Variants in GOT2 observed in about 807,000 individuals in gnomAD.
The protein encoded by GOT2 is aspartate aminotransferase, mitochondrial.
A neutral mutation model predicts 50.0 loss-of-function variants in GOT2; 17 were observed. The ratio of observed to expected loss-of-function variants is 0.34; its 90% CI spans 0.23 to 0.51. The LOEUF (loss-of-function observed/expected upper bound fraction) is 0.51, where lower values mean the gene tolerates loss of function less well. Among genes scored for constraint, GOT2 ranks in the 20% least tolerant of loss-of-function variants. GOT2 has a pLI of 0.97. For missense variants in GOT2, 430 were observed against 559.6 expected (o/e 0.77, Z 2.34); for synonymous variants, 172 against 204.9 (o/e 0.84, Z 1.37).
At chr16:58,728,368 C>A (rs1197253785) in intron 1 of GOT2, among the ~76,000 whole-genome samples, 1 of 152,132 alleles carries the variant, frequency 6.6e-6, no homozygotes, top group Non-Finnish European at 1.5e-5. Context: ...ACCTATCTCA[C>A]AGGGCTGGTC....
intron 1 of GOT2, among the ~76,000 whole-genome samples, chr16:58,726,207 C>T (rs993857204): frequency 2.0e-5 from 3 of 152,090 alleles, no homozygotes; most frequent in Admixed American, 6.6e-5. Context: ...TTTTTTGAGA[C>T]GGAGTCTTGT....
chr16:58,708,073 A>T lies in GOT2; in HGVS notation c.*98T>A. The T allele has an allele frequency of 8.3e-7, 1 of 1,200,648 alleles. No individual in the cohort carries two copies. The highest frequency in any genetic ancestry group is 1.2e-6 in the Non-Finnish European group (1 of 840,352). The allele number at this position is 1,200,648 out of a possible 1,614,324, so 74.4% of individuals were successfully genotyped here. A position where few individuals can be genotyped will look rare whatever the true frequency, so the allele number is the denominator to read the frequency against. Reference sequence around the variant, plus strand: ...ACACTGTGGCTGAAAGAAATGATCCACTCACCACCATCCACCCTCTCTCAT... The same window carrying T: ...ACACTGTGGCTGAAAGAAATGATCCTCTCACCACCATCCACCCTCTCTCAT... On this transcript the variant is annotated 3_prime_UTR_variant, in exon 10 of 10. Coordinates refer to ENST00000245206, the MANE Select transcript of GOT2 (RefSeq NM_002080.4).
intron 1 of GOT2, among the ~76,000 whole-genome samples, chr16:58,733,484 C>A (rs2044851483): frequency 6.6e-6 from 1 of 152,004 alleles, no homozygotes; most frequent in Non-Finnish European, 1.5e-5. Flanking sequence ...AAGGAAAAAA[C>A]AAAACAAAAC....
At chr16:58,720,248 G>A (rs2044730799) in intron 3 of GOT2, among the ~76,000 whole-genome samples, 1 of 152,134 alleles carries the variant, frequency 6.6e-6, no homozygotes, top group South Asian at 2.1e-4. Context: ...CCCCTTCTAT[G>A]TGTTTTCATA....
At chr16:58,716,470 G>A (rs567754790) in intron 7 of GOT2, 193 bp downstream of exon 7, 1 of 623,106 alleles carries the variant, frequency 1.6e-6, no homozygotes, top group East Asian at 2.8e-5. Context: ...AAAACTTAAG[G>A]ACACCGAAGA....
Position 58,723,788 on chromosome 16 carries a change from C to T in GOT2, c.204G>A (p.Arg68=), listed in dbSNP as rs748854222. The change falls in exon 2 of 10, where the codon CGG becomes CGA. Residue 68 remains arginine, a synonymous_variant. Transcript: ENST00000245206. ...KKMNLGVGAY[R]DDNGKPYVLP... The stretch of plus-strand genomic sequence containing the variant: ...GAACGTAAGGCTTTCCATTATCATC[C>T]CGGTAGGCACCAACTCCCAGATTCA... 6.2e-7 allele frequency: 1 copy of T among 1,613,052 alleles called. No individual in the cohort carries two copies. The highest frequency in any genetic ancestry group is 1.7e-5 in the Admixed American group (1 of 60,010).
chr16:58,711,661 G>A (rs898477866), intron 8 of GOT2, among the ~76,000 whole-genome samples: 4 of 152,176 alleles, frequency 2.6e-5, no homozygotes, highest in Non-Finnish European at 5.9e-5. Context: ...AATGAGAAAC[G>A]ATAGCACTGT....
At chr16:58,716,876 A>G in intron 6 of GOT2, 63 bp from the exon 7 acceptor site, 4 of 1,483,800 alleles carry the variant, frequency 2.7e-6, no homozygotes, top group Non-Finnish European at 3.7e-6. Flanking sequence ...GATGTTTATA[A>G]AAGTCTGAAA....
At chr16:58,724,834 C>T (rs2044770111) in intron 1 of GOT2, among the ~76,000 whole-genome samples, 1 of 152,162 alleles carries the variant, frequency 6.6e-6, no homozygotes, top group African/African-American at 2.4e-5. Flanking sequence ...AGCCACCATG[C>T]CTGGTCCATA....
chr16:58,713,868 C>T (rs927059778), intron 8 of GOT2, among the ~76,000 whole-genome samples: 4 of 152,138 alleles, frequency 2.6e-5, no homozygotes, highest in African/African-American at 4.8e-5. Context: ...ACTGCTCACT[C>T]GGCCATGGCA....
At chr16:58,714,187 G>A (rs992571840) in intron 8 of GOT2, among the ~76,000 whole-genome samples, 1 of 151,980 alleles carries the variant, frequency 6.6e-6, no homozygotes, top group Non-Finnish European at 1.5e-5. Context: ...TGGGATTATA[G>A]GTGTGAGCCA....
At chr16:58,718,128 T>C (rs1348297016) in intron 6 of GOT2, 68 bp downstream of exon 6, 1 of 1,083,414 alleles carries the variant, frequency 9.2e-7, no homozygotes, top group African/African-American at 1.5e-5. Context: ...GTTGAGACAT[T>C]GCCAAATTAA....
intron 1 of GOT2, among the ~76,000 whole-genome samples, chr16:58,729,641 T>C (rs2044816525): frequency 6.6e-6 from 1 of 152,174 alleles, no homozygotes; most frequent in Admixed American, 6.5e-5. Flanking sequence ...GAAAAGCACT[T>C]ATTTTTCAAG....
chr16:58,710,656 C>T (rs537143876), intron 8 of GOT2, among the ~76,000 whole-genome samples: 21 of 151,620 alleles, frequency 1.4e-4, no homozygotes, highest in South Asian at 8.3e-4. Context: ...CCCAGGCGGG[C>T]GGATCACGAG....
rs1049012149 is a variant in GOT2 at position 58,707,535 on chromosome 16, A to G, written c.*636T>C. 1.3e-5 allele frequency: 2 copies of G among 152,210 alleles called. No homozygotes were observed. The highest frequency in any genetic ancestry group is 6.5e-5 in the Admixed American group (1 of 15,278). The allele number at this position is 152,210 out of a possible 1,614,324, so 9.4% of individuals were successfully genotyped here. A position where few individuals can be genotyped will look rare whatever the true frequency, so the allele number is the denominator to read the frequency against. ...GGATGGAGTTGATGGTCAATCAAGC[A>G]GTAGAATGGGATGAAAATCTGCAAT... On this transcript the variant is annotated 3_prime_UTR_variant, in exon 10 of 10. Transcript: ENST00000245206.
At chr16:58,715,266 A>C (rs2044682251) in intron 8 of GOT2, among the ~76,000 whole-genome samples, 1 of 152,196 alleles carries the variant, frequency 6.6e-6, no homozygotes, top group Non-Finnish European at 1.5e-5. Flanking sequence ...GTTTTTAAGG[A>C]AGTTTTCCTA....
chr16:58,713,810 C>T (rs988957851), intron 8 of GOT2, among the ~76,000 whole-genome samples: 4 of 152,166 alleles, frequency 2.6e-5, no homozygotes, highest in Admixed American at 2.6e-4. Context: ...AATGGCCAAA[C>T]AGTAATTATT....
Position 58,726,802 on chromosome 16 carries a change from G to A in GOT2, c.90-2900C>T, listed in dbSNP as rs566431329. 5.6e-4 allele frequency among the ~76,000 whole-genome samples: 83 copies of A among 147,882 alleles called. 1 individual carries two copies. In the South Asian group the frequency reaches 0.011, roughly 20 times the overall value. On this transcript the variant is annotated intron_variant, in intron 1 of 9. Transcript: ENST00000245206. ...TGCACCCGGCTGTGAATTTTGTTTT[G>A]ATTTATAGTAAGTGAATCTGAAAAG...
At chr16:58,712,290 T>G (rs113579863) in intron 8 of GOT2, among the ~76,000 whole-genome samples, 6,163 of 152,208 alleles carry the variant, frequency 0.04, 184 homozygotes, top group South Asian at 0.076. Flanking sequence ...GGTGGATGGA[T>G]CCATTGAGGT....
Sources: gnomAD v4.1 joint callset for allele counts (sites outside exome capture counted in the v4.1 genomes callset) on GRCh38, gnomAD v4.1.1 for gene constraint, MANE v1.5 for transcripts, NCBI Gene and HGNC (gene_info 2026-07-23, HGNC 2026-07-21) for gene names.